MYOC: variants seen among roughly 807,000 people sequenced by gnomAD.
MYOC encodes the protein myocilin, also known as juvenile-onset open-angle glaucoma 1.
A neutral mutation model predicts 28.2 loss-of-function variants in MYOC; 29 were observed. The observed-to-expected ratio is 1.03, with a 90% CI of 0.77 to 1.40. The LOEUF (loss-of-function observed/expected upper bound fraction) is 1.40, where lower values mean the gene tolerates loss of function less well. MYOC is among the 40% of genes most tolerant of loss of function. The pLI is 0.00. For synonymous variants in MYOC, 240 were observed against 245.6 expected (o/e 0.98, Z 0.21); for missense variants, 569 against 620.6 (o/e 0.92, Z 0.88).
intron 1 of MYOC, among the ~76,000 whole-genome samples, chr1:171,639,935 C>T (rs1653032159): frequency 9.8e-6 from 1 of 102,076 alleles, no homozygotes; most frequent in Non-Finnish European, 1.8e-5. Context: ...CAGAGCAAGA[C>T]TCTGTCTCAA....
At chr1:171,637,381 T>A (rs898149835) in intron 2 of MYOC, among the ~76,000 whole-genome samples, 5 of 152,168 alleles carry the variant, frequency 3.3e-5, no homozygotes, top group South Asian at 2.1e-4. Context: ...AATAATTATT[T>A]TTTGAGACAG....
At chr1:171,651,981 C>CA in intron 1 of MYOC, 27 bp downstream of exon 1, 2 of 1,614,084 alleles carry the variant, frequency 1.2e-6, no homozygotes, top group African/African-American at 1.3e-5. Flanking sequence ...CTGCTGAACT[C>CA]AGAGTCCCCC....
chr1:171,638,713 C>A lies in MYOC; in HGVS notation c.614G>T (p.Trp205Leu), dbSNP rs1652992608. The A allele has an allele frequency of 3.1e-6, 5 of 1,614,066 alleles. No individual in the cohort carries two copies. The highest frequency in any genetic ancestry group is 4.2e-6 in the Non-Finnish European group (5 of 1,179,972). ...VPPGSREVST[W>L]NLDTLAFQEL... is the part of the protein sequence containing the mutation. ...CTGGAAGGCCAAAGTGTCCAAATTC[C>A]ACGTAGAAACTGCATTAAAAGAAAG... is the stretch of plus-strand genomic sequence containing the variant. The change falls in exon 2 of 3, where the codon TGG (tryptophan) becomes TTG (leucine). Residue 205 changes from tryptophan (W) to leucine (L), a missense_variant. Coordinates refer to ENST00000037502, the MANE Select transcript of MYOC (RefSeq NM_000261.2).
intron 1 of MYOC, among the ~76,000 whole-genome samples, chr1:171,644,062 C>T (rs1653143180): frequency 6.6e-6 from 1 of 151,202 alleles, no homozygotes; most frequent in Admixed American, 6.6e-5. Context: ...GTCTGGAGGA[C>T]TGCCCCAACC....
chr1:171,636,180 G>A lies in MYOC; in HGVS notation c.1260C>T (p.Asn420=), dbSNP rs1228466688. 1.2e-6 allele frequency: 2 copies of A among 1,614,084 alleles called. No individual in the cohort carries two copies. The highest frequency in any genetic ancestry group is 2.7e-5 in the African/African-American group (2 of 74,928). ...CATTGGCGACTGACTGCTTACGGAT[G>A]TTTGTCTCCCAGGTTTGTTCGAGTT... ...NLELEQTWET[N]IRKQSVANAF... is the part of the protein sequence containing the mutation. The change falls in exon 3 of 3, where the codon AAC becomes AAT. Residue 420 remains asparagine, a synonymous_variant. Transcript: ENST00000037502.
chr1:171,639,821 C>T (rs1214964205), intron 1 of MYOC, among the ~76,000 whole-genome samples: 1 of 151,302 alleles, frequency 6.6e-6, no homozygotes, highest in Non-Finnish European at 1.5e-5. Context: ...TGTGGTGGCA[C>T]ATGCCTGTAG....
chr1:171,652,442 T>C lies in MYOC; in HGVS notation c.170A>G (p.Asn57Ser), dbSNP rs561439247. ...CQYTFSVASP[N>S]ESSCPEQSQA... Reference sequence around the variant, plus strand: ...GCTCTGCTCTGGGCAGCTGGATTCATTGGGACTGGCCACACTGAAGGTATA... The same window carrying C: ...GCTCTGCTCTGGGCAGCTGGATTCACTGGGACTGGCCACACTGAAGGTATA... The change falls in exon 1 of 3, where the codon AAT (asparagine) becomes AGT (serine). Residue 57 changes from asparagine (N) to serine (S), a missense_variant. Coordinates refer to ENST00000037502, the MANE Select transcript of MYOC (RefSeq NM_000261.2). The C allele has an allele frequency of 3.0e-5, 48 of 1,614,224 alleles. No individual in the cohort carries two copies. Among genetic ancestry groups the C allele is most frequent in the Admixed American group, 1.3e-4 (8 of 60,024 alleles).
In MYOC at chr1:171,635,596, T is replaced by G; in HGVS notation, c.*329A>C. 5 of 452,260 alleles carry G rather than the reference T, an allele frequency of 1.1e-5. No individual in the cohort carries two copies. Among genetic ancestry groups the G allele is most frequent in the Non-Finnish European group, 2.0e-5 (5 of 246,014 alleles). The allele number at this position is 452,260 out of a possible 1,614,324, so 28.0% of individuals were successfully genotyped here. A position where few individuals can be genotyped will look rare whatever the true frequency, so the allele number is the denominator to read the frequency against. ...TTTATTGTGGCTTGTGGTAACCATGTAACATGCAAGAGCAATGGTTTTCAG... is the reference window on the plus strand; with the variant it reads ...TTTATTGTGGCTTGTGGTAACCATGGAACATGCAAGAGCAATGGTTTTCAG... On this transcript the variant is annotated 3_prime_UTR_variant, in exon 3 of 3. Transcript: ENST00000037502.
intron 1 of MYOC, among the ~76,000 whole-genome samples, chr1:171,645,450 C>T (rs1167693591): frequency 6.6e-6 from 1 of 152,304 alleles, no homozygotes; most frequent in Middle Eastern, 3.4e-3. Flanking sequence ...ACACCTTAGC[C>T]ACCTTCTCTG....
chr1:171,651,220 T>C (rs903477202), intron 1 of MYOC, among the ~76,000 whole-genome samples: 2 of 152,156 alleles, frequency 1.3e-5, no homozygotes, highest in East Asian at 1.9e-4. Context: ...TTTGCTTGCT[T>C]ATTTCCTCAT....
At chr1:171,646,245 G>C (rs907862563) in intron 1 of MYOC, among the ~76,000 whole-genome samples, 1 of 152,200 alleles carries the variant, frequency 6.6e-6, no homozygotes, top group African/African-American at 2.4e-5. Flanking sequence ...GTGTGACTTT[G>C]GGTAAATGAC....
At chr1:171,637,616 A>AT (rs1242075694) in intron 2 of MYOC, among the ~76,000 whole-genome samples, 3,691 of 143,624 alleles carry the variant, frequency 0.026, 67 homozygotes, top group Middle Eastern at 0.07. Flanking sequence ...AGATGTCTGT[A>AT]TTTTTTTTTT....
intron 1 of MYOC, 53 bp from the exon 2 acceptor site, chr1:171,638,775 A>T: frequency 6.2e-7 from 1 of 1,601,082 alleles, no homozygotes; most frequent in Non-Finnish European, 8.5e-7. Flanking sequence ...TGGCCCAAGG[A>T]TTGACTATGT....
chr1:171,647,834 G>A (rs372244858), intron 1 of MYOC, among the ~76,000 whole-genome samples: 1 of 152,240 alleles, frequency 6.6e-6, no homozygotes, highest in East Asian at 1.9e-4. Flanking sequence ...CACCTGCGGG[G>A]ACCTCGCCTC....
chr1:171,651,346 C>G (rs1165304849), intron 1 of MYOC, among the ~76,000 whole-genome samples: 1 of 91,808 alleles, frequency 1.1e-5, no homozygotes, highest in Admixed American at 1.1e-4. Context: ...CCCCCGCACC[C>G]CCCCCACACA....
chr1:171,648,304 C>T (rs1337878818), intron 1 of MYOC, among the ~76,000 whole-genome samples: 2 of 152,122 alleles, frequency 1.3e-5, no homozygotes, highest in African/African-American at 4.8e-5. Flanking sequence ...CAGATCCATG[C>T]GTAAACCTCC....
intron 2 of MYOC, among the ~76,000 whole-genome samples, chr1:171,637,734 T>C (rs1325210391): frequency 6.6e-6 from 1 of 151,978 alleles, no homozygotes; most frequent in Non-Finnish European, 1.5e-5. Flanking sequence ...TGCCTCAGCC[T>C]CCCAAGTAGC....
chr1:171,651,418 G>A (rs559571383), intron 1 of MYOC, among the ~76,000 whole-genome samples: 4 of 148,936 alleles, frequency 2.7e-5, no homozygotes, highest in African/African-American at 9.8e-5. Flanking sequence ...CTCAGAAAAA[G>A]CCATCTCAAG....
In MYOC at chr1:171,636,488, G is replaced by T; in HGVS notation, c.952C>A (p.Leu318Met). The part of the protein sequence containing the change: ...MQGYPSKVHI[L>M]PRPLESTGAV... The stretch of plus-strand genomic sequence containing the variant: ...CCCGTGCTTTCCAGTGGCCTAGGCA[G>T]TATGTGAACCTTAGAAGGGTAGCCC... The change falls in exon 3 of 3, where the codon CTG (leucine) becomes ATG (methionine). Residue 318 changes from leucine (L) to methionine (M), a missense_variant. Transcript: ENST00000037502. 1 of 1,613,442 alleles carries T rather than the reference G, an allele frequency of 6.2e-7. No homozygotes were observed.
Sources: allele counts gnomAD v4.1 joint callset (sites outside exome capture counted in the v4.1 genomes callset), GRCh38; gene constraint gnomAD v4.1.1; transcripts MANE v1.5; gene names NCBI Gene and HGNC (gene_info 2026-07-23, HGNC 2026-07-21).